Variants in GABRB1 observed in about 807,000 individuals in gnomAD.
GABRB1 encodes gamma-aminobutyric acid receptor subunit beta-1.
GABRB1 carries 17 observed loss-of-function variants against 51.6 expected under a neutral mutation model. The observed-to-expected ratio is 0.33, with a 90% CI of 0.23 to 0.49. GABRB1 has a LOEUF of 0.49. Among genes scored for constraint, GABRB1 ranks in the 20% least tolerant of loss-of-function variants. GABRB1 has a pLI of 0.99. For missense variants in GABRB1, 410 were observed against 600.6 expected (o/e 0.68, Z 3.32); for synonymous variants, 247 against 218.9 (o/e 1.13, Z -1.14).
chr4:47,206,356 G>C (rs1720122098), intron 4 of GABRB1, among the ~76,000 whole-genome samples: 1 of 152,002 alleles, frequency 6.6e-6, no homozygotes, highest in Admixed American at 6.6e-5. Flanking sequence ...CTACATGGAA[G>C]CTGGATGGCA....
intron 4 of GABRB1, among the ~76,000 whole-genome samples, chr4:47,222,819 T>C (rs576813011): frequency 2.3e-4 from 35 of 152,256 alleles, no homozygotes; most frequent in Non-Finnish European, 4.3e-4. Flanking sequence ...TCCTCATCTA[T>C]AATTTTATCT....
At chr4:47,210,685 A>G (rs773539461) in intron 4 of GABRB1, among the ~76,000 whole-genome samples, 1 of 152,170 alleles carries the variant, frequency 6.6e-6, no homozygotes, top group African/African-American at 2.4e-5. Flanking sequence ...GTATTCATTC[A>G]TTCAATCAAA....
At chr4:47,167,994 G>T (rs1251543170) in intron 4 of GABRB1, among the ~76,000 whole-genome samples, 3 of 152,118 alleles carry the variant, frequency 2.0e-5, no homozygotes, top group Non-Finnish European at 4.4e-5. Context: ...TTCCAATACT[G>T]CTCCACATCA....
At chr4:47,321,886 A>G (rs1348494348) in intron 5 of GABRB1, among the ~76,000 whole-genome samples, 1 of 152,174 alleles carries the variant, frequency 6.6e-6, no homozygotes, top group Admixed American at 6.5e-5. Flanking sequence ...AATTTTGACA[A>G]ATACTTGAAA....
intron 5 of GABRB1, among the ~76,000 whole-genome samples, chr4:47,355,726 A>C (rs1234445796): frequency 6.6e-6 from 1 of 152,192 alleles, no homozygotes; most frequent in Non-Finnish European, 1.5e-5. Flanking sequence ...TAGCACCATT[A>C]GCGCAGATAT....
At chr4:47,171,808 A>G (rs555396568) in intron 4 of GABRB1, among the ~76,000 whole-genome samples, 1 of 152,266 alleles carries the variant, frequency 6.6e-6, no homozygotes, top group South Asian at 2.1e-4. Context: ...CATCATTATC[A>G]AAATAAAAGC....
At chr4:47,343,168 T>G (rs562378035) in intron 5 of GABRB1, among the ~76,000 whole-genome samples, 1 of 152,070 alleles carries the variant, frequency 6.6e-6, no homozygotes, top group South Asian at 2.1e-4. Flanking sequence ...ATGTCTGTTC[T>G]GGGTCAAGCA....
chr4:47,181,135 C>G (rs968343196), intron 4 of GABRB1, among the ~76,000 whole-genome samples: 3 of 152,002 alleles, frequency 2.0e-5, no homozygotes, highest in Admixed American at 6.6e-5. Context: ...TTTCTCTATA[C>G]TTTCCTTTTA....
At chr4:47,301,505 G>A (rs549251495) in intron 4 of GABRB1, among the ~76,000 whole-genome samples, 4 of 151,910 alleles carry the variant, frequency 2.6e-5, no homozygotes, top group East Asian at 1.9e-4. Flanking sequence ...ATGGTGGTGC[G>A]TGCCTGTAGT....
chr4:47,119,514 T>C (rs1268059115), intron 3 of GABRB1, among the ~76,000 whole-genome samples: 2 of 148,666 alleles, frequency 1.3e-5, no homozygotes, highest in Non-Finnish European at 1.5e-5. Flanking sequence ...TTCTTTCTTT[T>C]TTTTTTTTTT....
chr4:47,264,047 T>TG (rs1035401894), intron 4 of GABRB1, among the ~76,000 whole-genome samples: 3 of 151,420 alleles, frequency 2.0e-5, no homozygotes, highest in Non-Finnish European at 4.4e-5. Flanking sequence ...GAGGCAGAGC[T>TG]GGGAGGATCA....
intron 4 of GABRB1, among the ~76,000 whole-genome samples, chr4:47,192,000 T>C (rs565840448): frequency 1.3e-5 from 2 of 152,252 alleles, no homozygotes; most frequent in South Asian, 4.1e-4. Flanking sequence ...TAAAGCATTT[T>C]AAAACATAAT....
At chr4:47,330,512 T>A (rs1020528327) in intron 5 of GABRB1, among the ~76,000 whole-genome samples, 1 of 152,096 alleles carries the variant, frequency 6.6e-6, no homozygotes, top group Admixed American at 6.6e-5. Flanking sequence ...GATTTAGAAG[T>A]TAAGAGACTC....
At chr4:47,294,656 T>C (rs989764301) in intron 4 of GABRB1, among the ~76,000 whole-genome samples, 1 of 152,236 alleles carries the variant, frequency 6.6e-6, no homozygotes, top group Non-Finnish European at 1.5e-5. Flanking sequence ...TCTGCCTTTG[T>C]AGGCTCCACC....
At chr4:47,192,616 C>A (rs1284770526) in intron 4 of GABRB1, among the ~76,000 whole-genome samples, 1 of 152,028 alleles carries the variant, frequency 6.6e-6, no homozygotes, top group Non-Finnish European at 1.5e-5. Flanking sequence ...AAGTCTCTAC[C>A]TCCACATAAA....
intron 3 of GABRB1, among the ~76,000 whole-genome samples, chr4:47,134,790 A>G (rs947109399): frequency 6.6e-6 from 1 of 152,136 alleles, no homozygotes; most frequent in African/African-American, 2.4e-5. Flanking sequence ...CTGGATATAC[A>G]AGGAAGGACA....
intron 4 of GABRB1, among the ~76,000 whole-genome samples, chr4:47,274,435 T>A (rs10805154): frequency 0.89 from 134,689 of 152,070 alleles, 59,908 homozygotes; most frequent in East Asian, 0.98. Context: ...ATTTTAGACC[T>A]TTTACTGAGC....
At chr4:47,380,023 G>A (rs1400139687) in intron 5 of GABRB1, among the ~76,000 whole-genome samples, 3 of 152,082 alleles carry the variant, frequency 2.0e-5, no homozygotes, top group African/African-American at 7.2e-5. Context: ...TAAATCAATG[G>A]CAACTATAAT....
At chr4:47,405,490 A>T (rs1367813996) in intron 7 of GABRB1, among the ~76,000 whole-genome samples, 1 of 151,788 alleles carries the variant, frequency 6.6e-6, no homozygotes, top group Non-Finnish European at 1.5e-5. Flanking sequence ...TTTTCATCTC[A>T]TTGCTTATTT....
Sources: allele counts gnomAD v4.1 joint callset (sites outside exome capture counted in the v4.1 genomes callset), GRCh38; gene constraint gnomAD v4.1.1; transcripts MANE v1.5; gene names NCBI Gene and HGNC (gene_info 2026-07-23, HGNC 2026-07-21).